ADGRF1: variants seen among roughly 807,000 people sequenced by gnomAD.
The protein encoded by ADGRF1 is adhesion G protein-coupled receptor F1.
In ADGRF1, 85 loss-of-function variants were observed where a neutral mutation model predicts 87.2. The observed-to-expected ratio is 0.97, with a 90% CI of 0.82 to 1.17. The LOEUF is 1.17. Among genes scored for constraint, ADGRF1 ranks in the 50% most tolerant of loss-of-function variants. ADGRF1 has a pLI of 0.00. For synonymous variants in ADGRF1, 430 were observed against 408.8 expected (o/e 1.05, Z -0.63); for missense variants, 1,169 against 1,077.2 (o/e 1.09, Z -1.19).
At chr6:47,019,054 A>G in intron 7 of ADGRF1, 1 of 163,594 alleles carries the variant, frequency 6.1e-6, no homozygotes, top group Non-Finnish European at 1.3e-5. Flanking sequence ...AGCATGGGCA[A>G]CAGAGTGAGA....
intron 8 of ADGRF1, 83 bp from the exon 9 acceptor site, chr6:47,014,927 G>A (rs937665130): frequency 1.4e-6 from 2 of 1,409,444 alleles, no homozygotes; most frequent in Non-Finnish European, 1.9e-6. Context: ...ATGTTCAAAT[G>A]TTTTAGAACT....
intron 1 of ADGRF1, among the ~76,000 whole-genome samples, chr6:47,037,702 A>G (rs1369997587): frequency 6.6e-6 from 1 of 152,068 alleles, no homozygotes; most frequent in Non-Finnish European, 1.5e-5. Context: ...TTGCAGAGAC[A>G]TGGTCTTGAC....
chr6:47,012,326 A>G (rs1779733051), intron 9 of ADGRF1, 131 bp from the exon 10 acceptor site: 2 of 1,422,978 alleles, frequency 1.4e-6, no homozygotes, highest in South Asian at 1.6e-5. Context: ...TTACATAACA[A>G]TAGTAACAAA....
At chr6:47,021,148 G>A (rs1238343323) in intron 6 of ADGRF1, among the ~76,000 whole-genome samples, 1 of 152,040 alleles carries the variant, frequency 6.6e-6, no homozygotes, top group Non-Finnish European at 1.5e-5. Flanking sequence ...ATTTTTACAG[G>A]TACTTAGACC....
chr6:47,001,468 C>T (rs201116867), intron 14 of ADGRF1, 33 bp downstream of exon 14: 1 of 1,577,210 alleles, frequency 6.3e-7, no homozygotes, highest in Non-Finnish European at 8.7e-7. Flanking sequence ...TCTTTTCACA[C>T]CTTTTATAAC....
intron 13 of ADGRF1, among the ~76,000 whole-genome samples, chr6:47,004,652 T>C (rs769753451): frequency 9.9e-5 from 15 of 152,210 alleles, no homozygotes; most frequent in Non-Finnish European, 2.2e-4. Flanking sequence ...TGTGCTGTAA[T>C]TTTCTCCTTT....
chr6:47,004,773 T>C (rs1295836612), intron 13 of ADGRF1, among the ~76,000 whole-genome samples: 1 of 152,192 alleles, frequency 6.6e-6, no homozygotes, highest in African/African-American at 2.4e-5. Context: ...CTGCTTTGAA[T>C]AACTAGTCCA....
At chr6:47,001,683 A>ATT (rs1304011507) in intron 13 of ADGRF1, 116 bp from the exon 14 acceptor site, 2 of 765,276 alleles carry the variant, frequency 2.6e-6, no homozygotes, top group Non-Finnish European at 4.3e-6. Flanking sequence ...CATAGGTGCT[A>ATT]TTCTCTTTTT....
chr6:47,007,133 T>C, intron 12 of ADGRF1, 120 bp downstream of exon 12: 1 of 552,280 alleles, frequency 1.8e-6, no homozygotes, highest in Non-Finnish European at 3.2e-6. Context: ...AAGCACAGAA[T>C]TTTATTACAA....
intron 3 of ADGRF1, 64 bp downstream of exon 3, chr6:47,027,640 G>T: frequency 9.4e-7 from 1 of 1,063,638 alleles, no homozygotes; most frequent in Non-Finnish European, 1.4e-6. Flanking sequence ...GGCACCGCTG[G>T]GATTAGAAAC....
chr6:47,004,185 AGC>A (rs1247367528), intron 13 of ADGRF1, among the ~76,000 whole-genome samples: 1 of 152,132 alleles, frequency 6.6e-6, no homozygotes, highest in Non-Finnish European at 1.5e-5. Context: ...TTTGCTCACC[AGC>A]GAGTTTCTTG....
intron 7 of ADGRF1, chr6:47,020,524 G>T: frequency 6.6e-7 from 1 of 1,507,960 alleles, no homozygotes; most frequent in African/African-American, 1.4e-5. Context: ...AAAATTTAAG[G>T]TCCTAAACTC....
chr6:47,027,756 A>AT lies in ADGRF1; in HGVS notation c.74dup (p.Asn25LysfsTer2). 1.3e-6 allele frequency: 2 copies of AT among 1,564,144 alleles called. No homozygotes were observed. Among genetic ancestry groups the AT allele is most frequent in the Non-Finnish European group, 1.8e-6 (2 of 1,138,446 alleles). ...GTTCTTTTTTTGTTTTGATGCCATC[A>AT]TTTTTCTGTTAAAAAGAAAAAAAAT... On this transcript the variant is annotated frameshift_variant, in exon 3 of 15. Coordinates refer to ENST00000371253, the MANE Select transcript of ADGRF1 (RefSeq NM_153840.4). LOFTEE classifies it high-confidence loss of function.
At chr6:47,028,821 C>T (rs564248065) in intron 2 of ADGRF1, among the ~76,000 whole-genome samples, 172 bp downstream of exon 2, 2 of 152,270 alleles carry the variant, frequency 1.3e-5, no homozygotes, top group South Asian at 4.1e-4. Context: ...ACTTACTTAT[C>T]CAAGGCCACA....
Position 47,009,990 on chromosome 6 carries a change from A to G in ADGRF1, c.1445T>C (p.Met482Thr). Residue 482 changes from methionine (M) to threonine (T), a missense_variant, in exon 11 of 15, where the codon ATG becomes ACG. Coordinates refer to ENST00000371253, the MANE Select transcript of ADGRF1 (RefSeq NM_153840.4). ...AATGTTCCCCAGAGTCAACGAGGCC[A>G]TGCTGATAATAGTTTCTGGAAGGGA... is the stretch of plus-strand genomic sequence containing the variant. ...QRSLPETIIS[M>T]ASLTLGNILP... 1.9e-6 allele frequency: 3 copies of G among 1,614,180 alleles called. No individual in the cohort carries two copies. Among genetic ancestry groups the G allele is most frequent in the Non-Finnish European group, 2.5e-6 (3 of 1,180,008 alleles).
intron 8 of ADGRF1, among the ~76,000 whole-genome samples, chr6:47,015,080 T>C (rs1662353776): frequency 6.6e-6 from 1 of 152,218 alleles, no homozygotes; most frequent in South Asian, 2.1e-4. Flanking sequence ...AGGTGTCCGA[T>C]CTGTGCCAAC....
In ADGRF1 at chr6:47,020,803, C is replaced by T. The variant is rs78827064; in HGVS notation, c.553-14G>A. 1.7e-4 allele frequency: 271 copies of T among 1,609,514 alleles called. No individual in the cohort carries two copies. The East Asian group carries it at 4.6e-3, about 27-fold the overall frequency. ...TGCTTTTTTAAGCTTAGAAAGAGAACAAAGAACAATGTGTTAATTGTTCTT... is the reference window on the plus strand; with the variant it reads ...TGCTTTTTTAAGCTTAGAAAGAGAATAAAGAACAATGTGTTAATTGTTCTT... On this transcript the variant is annotated splice_polypyrimidine_tract_variant and intron_variant, in intron 6 of 14. Coordinates refer to ENST00000371253, the MANE Select transcript of ADGRF1 (RefSeq NM_153840.4).
chr6:47,019,270 A>C lies in ADGRF1; in HGVS notation c.611+1461T>G. The C allele has an allele frequency of 3.1e-6, 3 of 956,716 alleles. No individual in the cohort carries two copies. The South Asian group carries it at 1.5e-4, about 46-fold the overall frequency. The allele number at this position is 956,716 out of a possible 1,614,324, so 59.3% of individuals were successfully genotyped here. A position where few individuals can be genotyped will look rare whatever the true frequency, so the allele number is the denominator to read the frequency against. ...TATTGAAAGTATGATCAACTGTATA[A>C]ACCTCAATATAAAAAAAAGCAGTGT... On this transcript the variant is annotated intron_variant, in intron 7 of 14. Coordinates refer to ENST00000371253, the MANE Select transcript of ADGRF1 (RefSeq NM_153840.4).
chr6:47,035,733 C>T (rs1318783666), intron 1 of ADGRF1, among the ~76,000 whole-genome samples: 1 of 152,118 alleles, frequency 6.6e-6, no homozygotes, highest in African/African-American at 2.4e-5. Context: ...ATTTGATCTC[C>T]ACCTGAGTTC....
Sources: gnomAD v4.1 joint callset for allele counts (sites outside exome capture counted in the v4.1 genomes callset) on GRCh38, gnomAD v4.1.1 for gene constraint, MANE v1.5 for transcripts, NCBI Gene and HGNC (gene_info 2026-07-23, HGNC 2026-07-21) for gene names.